The following SNAP25 variants were observed in gnomAD, a reference collection of about 807,000 sequenced individuals.
SNAP25 encodes the protein synaptosomal-associated protein 25.
SNAP25 carries 3 observed loss-of-function variants against 28.7 expected under a neutral mutation model. The ratio of observed to expected loss-of-function variants is 0.10; its 90% CI spans 0.05 to 0.27. The LOEUF (loss-of-function observed/expected upper bound fraction) is 0.27, where lower values mean the gene tolerates loss of function less well. Ranked by LOEUF, SNAP25 falls within the 10% of genes least tolerant of loss-of-function variation. The probability of loss-of-function intolerance (pLI) is 1.00; values close to 1 mark genes in which losing one functional copy is unlikely to be tolerated. For missense variants in SNAP25, 117 were observed against 278.7 expected, an observed-to-expected ratio of 0.42 and a Z score of 4.13; for synonymous variants, 61 against 88.1, an observed-to-expected ratio of 0.69 and a Z score of 1.72.
At chr20:10,226,967 A>G (rs2062744310) in intron 1 of SNAP25, among the ~76,000 whole-genome samples, 1 of 152,128 alleles carries the variant, frequency 6.6e-6, no homozygotes, top group Non-Finnish European at 1.5e-5. Context: ...CTCCTGGGCC[A>G]GAAATCCTAT....
At chr20:10,225,273 C>T (rs1465126637) in intron 1 of SNAP25, among the ~76,000 whole-genome samples, 1 of 151,422 alleles carries the variant, frequency 6.6e-6, no homozygotes, top group Non-Finnish European at 1.5e-5. Context: ...CAACCTACTG[C>T]AGATTTCAAT....
chr20:10,277,456 T>C (rs1375417312), intron 2 of SNAP25, among the ~76,000 whole-genome samples: 1 of 152,246 alleles, frequency 6.6e-6, no homozygotes, highest in Admixed American at 6.5e-5. Flanking sequence ...GGTTTTTATT[T>C]TCTGAAGATA....
chr20:10,254,065 G>T (rs1490569001), intron 1 of SNAP25, among the ~76,000 whole-genome samples: 2 of 152,194 alleles, frequency 1.3e-5, no homozygotes, highest in East Asian at 1.9e-4. Context: ...TCCCCGGAGG[G>T]TTCCTTTAGC....
chr20:10,243,979 T>C (rs1286155614), intron 1 of SNAP25, among the ~76,000 whole-genome samples: 1 of 152,188 alleles, frequency 6.6e-6, no homozygotes, highest in Admixed American at 6.5e-5. Context: ...ATCTAGGACT[T>C]TGCAGACCCC....
At chr20:10,243,274 G>A (rs940634803) in intron 1 of SNAP25, among the ~76,000 whole-genome samples, 1 of 152,138 alleles carries the variant, frequency 6.6e-6, no homozygotes, top group East Asian at 1.9e-4. Context: ...TGCAAGGGTG[G>A]TATACCTCTC....
intron 1 of SNAP25, among the ~76,000 whole-genome samples, chr20:10,234,357 C>T (rs966006523): frequency 1.6e-4 from 24 of 152,288 alleles, no homozygotes; most frequent in African/African-American, 5.3e-4. Flanking sequence ...ATGTCCAGTT[C>T]CCCAATCTTG....
chr20:10,261,310 A>C (rs2063410758), intron 1 of SNAP25, among the ~76,000 whole-genome samples: 1 of 152,176 alleles, frequency 6.6e-6, no homozygotes, highest in South Asian at 2.1e-4. Context: ...AGATCCCAGG[A>C]TAAAGGTACC....
Position 10,293,253 on chromosome 20 carries a change from G to A in SNAP25, c.256G>A (p.Gly86Arg), listed in dbSNP as rs763054916. The change falls in exon 5 of 8, where the codon GGG (glycine) becomes AGG (arginine). Residue 86 changes from glycine to arginine, a missense_variant. Gly to Arg is a moderately radical substitution (Grantham distance 125). Transcript: ENST00000254976. This position sits in a 1 kb window ranked among gnomAD's most constrained non-coding sequence, Gnocchi z 5.6. ...TTTGACGGACCTAGGAAAATTCTGCGGGCTTTGTGTGTGTCCCTGTAACAA... is the reference window on the plus strand; with the variant it reads ...TTTGACGGACCTAGGAAAATTCTGCAGGCTTTGTGTGTGTCCCTGTAACAA... ...KNLTDLGKFC[G>R]LCVCPCNKLK... The A allele has an allele frequency of 8.7e-6, 14 of 1,613,862 alleles. No homozygotes were observed. The highest frequency in any genetic ancestry group is 4.2e-6 in the Non-Finnish European group (5 of 1,179,934).
At chr20:10,294,374 T>C (rs986320796) in intron 5 of SNAP25, among the ~76,000 whole-genome samples, 2 of 152,178 alleles carry the variant, frequency 1.3e-5, no homozygotes, top group African/African-American at 4.8e-5. Flanking sequence ...ATTCTGCTTT[T>C]TAAAGAGTGA....
intron 1 of SNAP25, among the ~76,000 whole-genome samples, chr20:10,245,614 C>T (rs916108735): frequency 1.8e-4 from 28 of 152,290 alleles, no homozygotes; most frequent in African/African-American, 6.5e-4. Flanking sequence ...TCACCCCGGG[C>T]GTGTGCCCAG....
intron 1 of SNAP25, among the ~76,000 whole-genome samples, chr20:10,228,500 G>A (rs970101139): frequency 2.0e-5 from 3 of 152,172 alleles, no homozygotes; most frequent in Non-Finnish European, 4.4e-5. Flanking sequence ...AGATATGGTG[G>A]TGTAAGTGAC....
At position 10,293,065 on chromosome 20, in the gene SNAP25, T is replaced by A. The variant is rs1600774957; in HGVS notation, c.164-96T>A. ...TTCTTTCTTTTTTTTTTTTTCTTTT[T>A]TAATGTCAAAGTGAATGTCTGAAGT... On this transcript the variant is annotated intron_variant, in intron 4 of 7. Transcript: ENST00000254976. The surrounding 1 kb of genome is among the most constrained non-coding windows in gnomAD (Gnocchi z 5.6). The A allele has an allele frequency of 2.1e-6, 3 of 1,461,274 alleles. No individual in the cohort carries two copies. In the East Asian group the frequency reaches 6.8e-5, roughly 33 times the overall value. The allele number at this position is 1,461,274 out of a possible 1,614,324, so 90.5% of individuals were successfully genotyped here.
At chr20:10,247,732 G>T (rs1044882913) in intron 1 of SNAP25, among the ~76,000 whole-genome samples, 2 of 152,206 alleles carry the variant, frequency 1.3e-5, no homozygotes, top group African/African-American at 4.8e-5. Context: ...TGACTGCAGG[G>T]TATGGAGGGC....
chr20:10,245,020 T>C (rs2063102692), intron 1 of SNAP25, among the ~76,000 whole-genome samples: 1 of 152,052 alleles, frequency 6.6e-6, no homozygotes, highest in South Asian at 2.1e-4. Flanking sequence ...CATGAGCCAC[T>C]GTGGCTGGCC....
At chr20:10,249,758 A>G (rs1316976111) in intron 1 of SNAP25, among the ~76,000 whole-genome samples, 2 of 152,154 alleles carry the variant, frequency 1.3e-5, no homozygotes, top group East Asian at 1.9e-4. Flanking sequence ...CTGTGTTTTA[A>G]TAAGTTCTCC....
chr20:10,293,205 G>A lies in SNAP25; in HGVS notation c.208G>A (p.Asp70Asn). The change falls in exon 5 of 8, where the codon GAC (aspartate) becomes AAC (asparagine). Residue 70 changes from aspartate (D) to asparagine (N), a missense_variant. Physicochemically the swap from Asp to Asn is conservative, Grantham distance 23. Around this residue, in one of 3 missense-constraint regions of SNAP25, gnomAD observed 88 missense variants for 206.9 expected, o/e 0.43. Coordinates refer to ENST00000254976, the MANE Select transcript of SNAP25 (RefSeq NM_130811.4). This position sits in a 1 kb window ranked among gnomAD's most constrained non-coding sequence, Gnocchi z 5.6. Reference protein sequence around the residue: ...IEEGMDQINKDMKEAEKNLTD... With the variant: ...IEEGMDQINKNMKEAEKNLTD... ...GGAAGGGATGGACCAAATCAATAAGGACATGAAAGAAGCAGAAAAGAATTT... is the reference window on the plus strand; with the variant it reads ...GGAAGGGATGGACCAAATCAATAAGAACATGAAAGAAGCAGAAAAGAATTT... 1 of 1,614,082 alleles carries A rather than the reference G, an allele frequency of 6.2e-7. No individual in the cohort carries two copies. The highest frequency in any genetic ancestry group is 8.5e-7 in the Non-Finnish European group (1 of 1,180,018).
intron 1 of SNAP25, among the ~76,000 whole-genome samples, chr20:10,237,153 T>G (rs2062939125): frequency 6.6e-6 from 1 of 151,774 alleles, no homozygotes; most frequent in Non-Finnish European, 1.5e-5. Flanking sequence ...TCAAAGAAAG[T>G]CAGTACAGGG....
At position 10,293,748 on chromosome 20, in the gene SNAP25, C is replaced by T. The variant is rs1040908303; in HGVS notation, c.281+470C>T. On this transcript the variant is annotated intron_variant, in intron 5 of 7. Coordinates refer to ENST00000254976, the MANE Select transcript of SNAP25 (RefSeq NM_130811.4). The surrounding 1 kb of genome is among the most constrained non-coding windows in gnomAD (Gnocchi z 5.6). The stretch of plus-strand genomic sequence containing the variant: ...GGATTCTATAAATTAGAGAATATGA[C>T]AGAGATTCTCCCTTTCTACTGCCCA... Among the ~76,000 whole-genome samples the T allele has an allele frequency of 5.9e-5, 9 of 152,168 alleles. No individual in the cohort carries two copies. Among genetic ancestry groups the T allele is most frequent in the African/African-American group, 1.7e-4 (7 of 41,452 alleles).
At position 10,289,588 on chromosome 20, in the gene SNAP25, A is replaced by C. The variant is rs981204914; in HGVS notation, c.164-3573A>C. On this transcript the variant is annotated intron_variant, in intron 4 of 7. Coordinates refer to ENST00000254976, the MANE Select transcript of SNAP25 (RefSeq NM_130811.4). Reference sequence around the variant, plus strand: ...ATCTGTTATGAATGACTAAGGCTGTACTTAGTCATGATAGCCACATAGGGC... The same window carrying C: ...ATCTGTTATGAATGACTAAGGCTGTCCTTAGTCATGATAGCCACATAGGGC... Among the ~76,000 whole-genome samples, 14 of 151,624 alleles carry C rather than the reference A, an allele frequency of 9.2e-5. No individual in the cohort carries two copies. The East Asian group carries it at 2.7e-3, about 29-fold the overall frequency.
Sources: allele counts gnomAD v4.1 joint callset (sites outside exome capture counted in the v4.1 genomes callset), GRCh38; gene constraint gnomAD v4.1.1; regional missense constraint gnomAD v4.1.1; non-coding constraint Gnocchi (gnomAD v3.1); transcripts MANE v1.5; gene names NCBI Gene and HGNC (gene_info 2026-07-23, HGNC 2026-07-21).